The following USP13 variants were observed in gnomAD, a reference collection of about 807,000 sequenced individuals.
USP13 encodes the protein ubiquitin specific peptidase 13, also known as ubiquitin carboxyl-terminal hydrolase 13.
USP13 carries 68 observed loss-of-function variants against 107.8 expected under a neutral mutation model. The observed-to-expected ratio is 0.63, with a 90% CI of 0.52 to 0.77. The LOEUF (loss-of-function observed/expected upper bound fraction) is 0.77. Ranked by LOEUF, USP13 falls within the 30% of genes least tolerant of loss-of-function variation. USP13 has a pLI of 0.00. For synonymous variants in USP13, 377 were observed against 389.5 expected (o/e 0.97, Z 0.38); for missense variants, 945 against 1,093.3 (o/e 0.86, Z 1.91).
At chr3:179,659,461 G>A (rs373033113) in intron 1 of USP13, among the ~76,000 whole-genome samples, 5 of 152,190 alleles carry the variant, frequency 3.3e-5, no homozygotes, top group Non-Finnish European at 5.9e-5. Context: ...GGGTGGGGGT[G>A]TAGCAGTCTG....
chr3:179,745,080 A>G lies in USP13; in HGVS notation c.1572A>G (p.Ala524=), dbSNP rs756832788. Residue 524 remains alanine, a synonymous_variant, in exon 13 of 21, where the codon GCA becomes GCG. Transcript: ENST00000263966. The part of the protein sequence containing the change: ...LIAYELTRRE[A]EANRRPLPEL... ...CTTATGAACTAACGAGAAGGGAAGC[A>G]GAAGCAAACAGAAGACCCCTTCCTG... is the stretch of plus-strand genomic sequence containing the variant. 9.3e-6 allele frequency: 15 copies of G among 1,614,094 alleles called. No homozygotes were observed. The highest frequency in any genetic ancestry group is 1.2e-5 in the Non-Finnish European group (14 of 1,180,052).
intron 10 of USP13, among the ~76,000 whole-genome samples, chr3:179,734,099 C>A (rs28514698): frequency 0.075 from 11,437 of 152,212 alleles, 891 homozygotes; most frequent in African/African-American, 0.18. Context: ...CAAGTTGAGT[C>A]ATTTCTAGAA....
In USP13 at chr3:179,719,871, A is replaced by G. The variant is rs1004106193; in HGVS notation, c.806-69A>G. 1.9e-5 allele frequency: 27 copies of G among 1,425,136 alleles called. No homozygotes were observed. The African/African-American group carries it at 3.8e-4, about 20-fold the overall frequency. The allele number at this position is 1,425,136 out of a possible 1,614,324, so 88.3% of individuals were successfully genotyped here. ...AAGCCTGGTGTACAGTAGGAGTTCA[A>G]AAAATATGTGTTGGATATTCAGTGA... On this transcript the variant is annotated intron_variant, in intron 6 of 20. Coordinates refer to ENST00000263966, the MANE Select transcript of USP13 (RefSeq NM_003940.3).
In USP13 at chr3:179,764,009, T is replaced by C; in HGVS notation, c.2100T>C (p.Ala700=). The change falls in exon 18 of 21, where the codon GCT becomes GCC. Residue 700 remains alanine, a synonymous_variant. Transcript: ENST00000263966. ...IIVHMEEPDF[A]EPLTMPGYGG... is the part of the protein sequence containing the mutation. ...TGTGGTTATTTTTCTCAGATTTTGC[T>C]GAGCCGCTGACCATGCCTGGTTATG... 1 of 1,606,102 alleles carries C rather than the reference T, an allele frequency of 6.2e-7. No homozygotes were observed. The highest frequency in any genetic ancestry group is 2.2e-5 in the East Asian group (1 of 44,824).
At position 179,653,116 on chromosome 3, in the gene USP13, C is replaced by G; in HGVS notation, c.-110C>G. ...CGCCCGCCCCGGCTCGGCCGGCTGC[C>G]GTTGCCCGCGCAGCCCGCCCGTCAG... On this transcript the variant is annotated 5_prime_UTR_variant, in exon 1 of 21. Transcript: ENST00000263966. This position sits in a 1 kb window ranked among gnomAD's most constrained non-coding sequence, Gnocchi z 4.0. 1.1e-6 allele frequency: 1 copy of G among 933,672 alleles called. No individual in the cohort carries two copies. The highest frequency in any genetic ancestry group is 1.3e-6 in the Non-Finnish European group (1 of 783,140). The allele number at this position is 933,672 out of a possible 1,614,324, so 57.8% of individuals were successfully genotyped here.
At chr3:179,720,643 AC>A (rs1713277469) in intron 7 of USP13, among the ~76,000 whole-genome samples, 1 of 151,146 alleles carries the variant, frequency 6.6e-6, no homozygotes, top group Non-Finnish European at 1.5e-5. Context: ...ACTCATTTTT[AC>A]TTTTTTGTTT....
Position 179,784,125 on chromosome 3 carries a change from G to A in USP13, c.2576G>A (p.Arg859His), listed in dbSNP as rs746689506. ...PKDLGYMYFY[R>H]RIPS ...GACCTGGGCTACATGTACTTTTACC[G>A]CAGGATACCAAGCTAAACCTCAAAT... is the stretch of plus-strand genomic sequence containing the variant. Residue 859 changes from arginine to histidine, a missense_variant, in exon 21 of 21, where the codon CGC (arginine) becomes CAC (histidine). Physicochemically the swap from Arg to His is conservative, Grantham distance 29 (BLOSUM62 0). Transcript: ENST00000263966. 3.9e-5 allele frequency: 63 copies of A among 1,611,044 alleles called. 1 individual carries two copies. Among genetic ancestry groups the A allele is most frequent in the South Asian group, 2.5e-4 (23 of 90,368 alleles).
chr3:179,783,318 A>G (rs1164742462), intron 20 of USP13, among the ~76,000 whole-genome samples: 8 of 152,194 alleles, frequency 5.3e-5, no homozygotes, highest in Admixed American at 5.2e-4. Flanking sequence ...GAAAGTATAT[A>G]TATGTCTATA....
chr3:179,697,872 T>C (rs141964062), intron 3 of USP13, among the ~76,000 whole-genome samples: 4 of 152,330 alleles, frequency 2.6e-5, no homozygotes, highest in Non-Finnish European at 5.9e-5. Context: ...TTCCATTGAA[T>C]TAAAAGTAAA....
intron 13 of USP13, among the ~76,000 whole-genome samples, chr3:179,746,108 A>G (rs1443403541): frequency 6.6e-6 from 1 of 151,296 alleles, no homozygotes; most frequent in Non-Finnish European, 1.5e-5. Context: ...TTTGGCTAAC[A>G]TAAAGGGGAT....
intron 19 of USP13, among the ~76,000 whole-genome samples, chr3:179,771,850 T>G (rs1182554566): frequency 1.3e-5 from 2 of 152,242 alleles, no homozygotes; most frequent in Admixed American, 1.3e-4. Context: ...TGCTACTGCA[T>G]GAAACGATTA....
At chr3:179,761,361 T>G (rs1354022998) in intron 17 of USP13, 106 bp downstream of exon 17, 2 of 1,415,706 alleles carry the variant, frequency 1.4e-6, no homozygotes, top group Non-Finnish European at 1.9e-6. Context: ...AGAAAATGAC[T>G]TTATAGTTCC....
intron 8 of USP13, among the ~76,000 whole-genome samples, chr3:179,722,008 G>T (rs904124335): frequency 2.7e-5 from 4 of 150,718 alleles, no homozygotes; most frequent in Non-Finnish European, 4.4e-5. Context: ...AGAGGTTGCA[G>T]TGAGCCAAGA....
chr3:179,727,218 GGATT>G (rs1713558671), intron 8 of USP13, among the ~76,000 whole-genome samples: 1 of 139,976 alleles, frequency 7.1e-6, no homozygotes, highest in Non-Finnish European at 1.5e-5. Flanking sequence ...TCGCAGAGGG[GGATT>G]TGGCAGGGTC....
At chr3:179,675,536 T>TATTATTATTA (rs142250396) in intron 1 of USP13, among the ~76,000 whole-genome samples, 3 of 146,380 alleles carry the variant, frequency 2.0e-5, no homozygotes, top group African/African-American at 7.6e-5. Context: ...TGTAACCTAT[T>TATTATTATTA]TTATTATTAT....
chr3:179,766,619 A>G (rs1197448646), intron 19 of USP13, among the ~76,000 whole-genome samples: 1 of 152,212 alleles, frequency 6.6e-6, no homozygotes. Flanking sequence ...TTTTAATAGC[A>G]AACACTTATG....
In USP13 at chr3:179,712,444, C is replaced by T. The variant is rs534678017; in HGVS notation, c.805+3487C>T. Reference sequence around the variant, plus strand: ...TAGGTATTTCATTTTAGTCTTTTCTCTTTTTTTTAAAGGGTTAATCAGTTC... The same window carrying T: ...TAGGTATTTCATTTTAGTCTTTTCTTTTTTTTTTAAAGGGTTAATCAGTTC... On this transcript the variant is annotated intron_variant, in intron 6 of 20. Transcript: ENST00000263966. 8.6e-5 allele frequency among the ~76,000 whole-genome samples: 13 copies of T among 151,884 alleles called. No individual in the cohort carries two copies. The East Asian group carries it at 2.1e-3, about 25-fold the overall frequency.
At chr3:179,758,557 G>A (rs1714888234) in intron 16 of USP13, among the ~76,000 whole-genome samples, 1 of 150,742 alleles carries the variant, frequency 6.6e-6, no homozygotes, top group African/African-American at 2.4e-5. Context: ...GGAGTGCAGT[G>A]GCGCGATCTC....
rs1322327705 is a variant in USP13 at position 179,785,798 on chromosome 3, G to C, written c.*1657G>C. The C allele has an allele frequency of 6.6e-6, 1 of 152,332 alleles. No homozygotes were observed. The highest frequency in any genetic ancestry group is 1.5e-5 in the Non-Finnish European group (1 of 68,144). 9.4% of individuals were successfully genotyped at this position (152,332 alleles called of 1,614,324 possible). On this transcript the variant is annotated 3_prime_UTR_variant, in exon 21 of 21. Coordinates refer to ENST00000263966, the MANE Select transcript of USP13 (RefSeq NM_003940.3). ...AGGCCCATGGCCTGGAGACCTGGGT[G>C]CTGCTCCTAGCTGACTGTGGACCTT...
Sources: allele counts gnomAD v4.1 joint callset (sites outside exome capture counted in the v4.1 genomes callset), GRCh38; gene constraint gnomAD v4.1.1; non-coding constraint Gnocchi (gnomAD v3.1); transcripts MANE v1.5; gene names NCBI Gene and HGNC (gene_info 2026-07-23, HGNC 2026-07-21).